The following MOCS1 variants were observed in gnomAD, a reference collection of about 807,000 sequenced individuals.
MOCS1 encodes molybdenum cofactor synthesis 1.
Under a neutral mutation model 57.6 loss-of-function variants are expected in MOCS1, and 39 were observed. The ratio of observed to expected loss-of-function variants is 0.68; its 90% CI spans 0.52 to 0.88. The LOEUF is 0.88. Ranked by LOEUF, MOCS1 falls within the 40% of genes least tolerant of loss-of-function variation. MOCS1 has a pLI of 0.00. For missense variants in MOCS1, 795 were observed against 831.1 expected (o/e 0.96, Z 0.53); for synonymous variants, 334 against 335.7 (o/e 1.00, Z 0.05).
intron 2 of MOCS1, 132 bp from the exon 3 acceptor site, chr6:39,925,977 C>A (rs1053481241): frequency 2.0e-6 from 2 of 989,836 alleles, no homozygotes; most frequent in African/African-American, 1.6e-5. Flanking sequence ...GGAGACCTCA[C>A]TAAACCTGAG....
chr6:39,906,282 C>G lies in MOCS1; in HGVS notation c.*75G>C, dbSNP rs532164935. The stretch of plus-strand genomic sequence containing the variant: ...CAAACAGTGACTGTGATTAAAGGAA[C>G]CTGACGTCTTTCCCTCAGCCTACAT... On this transcript the variant is annotated 3_prime_UTR_variant, in exon 11 of 11. Coordinates refer to ENST00000340692, the MANE Select transcript of MOCS1 (RefSeq NM_001358530.2). 60 of 1,571,638 alleles carry G rather than the reference C, an allele frequency of 3.8e-5. 2 individuals are homozygous for G. The South Asian group carries it at 4.5e-4, about 12-fold the overall frequency.
chr6:39,911,864 C>T (rs995024123), intron 8 of MOCS1, among the ~76,000 whole-genome samples: 3 of 152,208 alleles, frequency 2.0e-5, no homozygotes, highest in African/African-American at 7.2e-5. Flanking sequence ...CCCACAGGGA[C>T]GAATGCACAG....
chr6:39,909,723 G>T, intron 9 of MOCS1, 112 bp downstream of exon 9: 4 of 1,469,418 alleles, frequency 2.7e-6, no homozygotes, highest in Admixed American at 3.4e-5. Context: ...GCTGACTCTC[G>T]CCAGCTTCCC....
At position 39,933,061 on chromosome 6, in the gene MOCS1, G is replaced by A. The variant is rs563516602; in HGVS notation, c.123+1234C>T. 3.4e-4 allele frequency among the ~76,000 whole-genome samples: 51 copies of A among 150,700 alleles called. No individual in the cohort carries two copies. The South Asian group carries it at 0.01, about 30-fold the overall frequency. Reference sequence around the variant, plus strand: ...ACAGGGAGGACGGAAAAGCATTAGAGTTGAGTTCCTGCCCTCTACAGCTCT... The same window carrying A: ...ACAGGGAGGACGGAAAAGCATTAGAATTGAGTTCCTGCCCTCTACAGCTCT... On this transcript the variant is annotated intron_variant, in intron 1 of 10. Transcript: ENST00000340692.
chr6:39,929,046 T>C (rs765426666), intron 1 of MOCS1, among the ~76,000 whole-genome samples: 4 of 152,148 alleles, frequency 2.6e-5, no homozygotes. Context: ...AGCCCTTGAC[T>C]GGGTCAAGAG....
intron 8 of MOCS1, among the ~76,000 whole-genome samples, chr6:39,911,616 T>A (rs1182679152): frequency 6.6e-6 from 1 of 152,182 alleles, no homozygotes; most frequent in Non-Finnish European, 1.5e-5. Context: ...CATAGCTGAC[T>A]TTAATCTGCC....
chr6:39,916,349 C>A, intron 3 of MOCS1, 117 bp from the exon 4 acceptor site: 2 of 1,253,988 alleles, frequency 1.6e-6, no homozygotes, highest in South Asian at 1.3e-5. Context: ...AGGCTCTCTG[C>A]AGACCTATAT....
In MOCS1 at chr6:39,934,398, G is replaced by A; in HGVS notation, c.20C>T (p.Ser7Phe). 1 of 1,565,340 alleles carries A rather than the reference G, an allele frequency of 6.4e-7. No homozygotes were observed. Among genetic ancestry groups the A allele is most frequent in the East Asian group, 2.3e-5 (1 of 42,834 alleles). The change falls in exon 1 of 11, where the codon TCC (serine) becomes TTC (phenylalanine). Residue 7 changes from serine to phenylalanine, a missense_variant. By Grantham distance (155) the Ser-to-Phe change is radical. Around this residue, in one of 3 missense-constraint regions of MOCS1, gnomAD observed 416 missense variants for 392.4 expected, o/e 1.06. Transcript: ENST00000340692. MAARPL[S>F]RMLRRLLRSS... The stretch of plus-strand genomic sequence containing the variant: ...CCTCAGAAGCCGCCGCAGCATCCGG[G>A]ACAGTGGCCGCGCCGCCATGAAGCC...
At position 39,925,751 on chromosome 6, in the gene MOCS1, C is replaced by G. The variant is rs1242232198; in HGVS notation, c.345G>C (p.Val115=). Residue 115 remains valine (V), a synonymous_variant, in exon 3 of 11, where the codon GTG becomes GTC. Transcript: ENST00000340692. ...EEILTLARLF[V]KEGIDKIRLT... Reference sequence around the variant, plus strand: ...GCCGGATCTTGTCGATGCCTTCCTTCACAAAGAGCCGGGCGAGGGTCAGGA... The same window carrying G: ...GCCGGATCTTGTCGATGCCTTCCTTGACAAAGAGCCGGGCGAGGGTCAGGA... 1 of 1,612,846 alleles carries G rather than the reference C, an allele frequency of 6.2e-7. No homozygotes were observed. The highest frequency in any genetic ancestry group is 8.5e-7 in the Non-Finnish European group (1 of 1,179,994).
At position 39,927,227 on chromosome 6, in the gene MOCS1, C is replaced by T. The variant is rs575513055; in HGVS notation, c.250+102G>A. The T allele has an allele frequency of 4.1e-6, 6 of 1,458,472 alleles. No individual in the cohort carries two copies. In the African/African-American group the frequency reaches 8.4e-5, roughly 20 times the overall value. 90.3% of individuals were successfully genotyped at this position (1,458,472 alleles called of 1,614,324 possible). ...GGTAGCAGGTGAAGAAGTTAGAAAG[C>T]AGAACTGGAGGACACAGGAGGATTT... On this transcript the variant is annotated intron_variant, in intron 2 of 10. Transcript: ENST00000340692.
chr6:39,913,955 C>T (rs938806760), intron 4 of MOCS1, 120 bp from the exon 5 acceptor site: 40 of 1,009,108 alleles, frequency 4.0e-5, no homozygotes, highest in Non-Finnish European at 4.6e-6. Flanking sequence ...CTAAAACAGG[C>T]CAGAGTAATA....
intron 3 of MOCS1, among the ~76,000 whole-genome samples, chr6:39,918,540 A>C (rs1044161903): frequency 6.6e-6 from 1 of 152,266 alleles, no homozygotes; most frequent in African/African-American, 2.4e-5. Context: ...AGTAATGCAT[A>C]ATTAAGGAAA....
At chr6:39,919,520 A>C (rs7766950) in intron 3 of MOCS1, among the ~76,000 whole-genome samples, 21,348 of 100,126 alleles carry the variant, frequency 0.21, 2,537 homozygotes, top group East Asian at 0.57. Context: ...ACAGCAACAA[A>C]AAAAAAAAAA....
At position 39,925,696 on chromosome 6, in the gene MOCS1, C is replaced by T; in HGVS notation, c.400G>A (p.Asp134Asn). ...AACTCACCCACAATGTCCACCACGTCCGGCCGGATAAGCGGCTCTCCACCT... is the reference window on the plus strand; with the variant it reads ...AACTCACCCACAATGTCCACCACGTTCGGCCGGATAAGCGGCTCTCCACCT... ...LTGGEPLIRPDVVDIVAQLQR... is the reference protein window; with the variant it reads ...LTGGEPLIRPNVVDIVAQLQR... The change falls in exon 3 of 11, where the codon GAC becomes AAC. Residue 134 changes from aspartate to asparagine, a missense_variant. Asp to Asn is a conservative substitution (Grantham distance 23). Transcript: ENST00000340692. 6.2e-7 allele frequency: 1 copy of T among 1,612,852 alleles called. No homozygotes were observed. The highest frequency in any genetic ancestry group is 8.5e-7 in the Non-Finnish European group (1 of 1,179,998).
chr6:39,913,467 C>A, intron 5 of MOCS1, 39 bp from the exon 6 acceptor site: 1 of 1,575,570 alleles, frequency 6.3e-7, no homozygotes. Flanking sequence ...GCTGTGCCCC[C>A]TGCATTCTTT....
chr6:39,913,903 A>G, intron 4 of MOCS1, 68 bp from the exon 5 acceptor site: 1 of 1,481,814 alleles, frequency 6.7e-7, no homozygotes, highest in African/African-American at 1.4e-5. Flanking sequence ...CCCCACAGAA[A>G]AGCACCAGAG....
In MOCS1 at chr6:39,934,412, C is replaced by G. The variant is rs1213578923; in HGVS notation, c.6G>C (p.Ala2=). 1.9e-6 allele frequency: 3 copies of G among 1,567,178 alleles called. No individual in the cohort carries two copies. The highest frequency in any genetic ancestry group is 2.6e-6 in the Non-Finnish European group (3 of 1,161,992). The change falls in exon 1 of 11, where the codon GCG becomes GCC. Residue 2 remains alanine, a synonymous_variant. Transcript: ENST00000340692. M[A]ARPLSRMLRR... ...GCAGCATCCGGGACAGTGGCCGCGC[C>G]GCCATGAAGCCTGATACGAGCGGAA... is the stretch of plus-strand genomic sequence containing the variant.
At chr6:39,926,526 G>C (rs1768313866) in intron 2 of MOCS1, among the ~76,000 whole-genome samples, 1 of 150,940 alleles carries the variant, frequency 6.6e-6, no homozygotes, top group Non-Finnish European at 1.5e-5. Flanking sequence ...ATCTGTTAGA[G>C]AGTCATGAAG....
At chr6:39,921,161 A>G (rs1767945206) in intron 3 of MOCS1, among the ~76,000 whole-genome samples, 1 of 152,120 alleles carries the variant, frequency 6.6e-6, no homozygotes, top group Non-Finnish European at 1.5e-5. Context: ...GCACTTTGGG[A>G]GGCCGAGGCG....
Sources: gnomAD v4.1 joint callset for allele counts (sites outside exome capture counted in the v4.1 genomes callset) on GRCh38, gnomAD v4.1.1 for gene constraint, gnomAD v4.1.1 regional missense constraint, MANE v1.5 for transcripts, NCBI Gene and HGNC (gene_info 2026-07-23, HGNC 2026-07-21) for gene names.